The following INPP4B variants were observed in gnomAD, a reference collection of about 807,000 sequenced individuals.
INPP4B encodes the protein inositol polyphosphate 4-phosphatase type II.
A neutral mutation model predicts 122.5 loss-of-function variants in INPP4B; 55 were observed. The ratio of observed to expected loss-of-function variants is 0.45; its 90% confidence interval spans 0.36 to 0.56. The LOEUF (loss-of-function observed/expected upper bound fraction) is 0.56, where lower values mean the gene tolerates loss of function less well. Ranked by LOEUF, INPP4B falls within the 20% of genes least tolerant of loss-of-function variation. INPP4B has a pLI of 0.00. For synonymous variants in INPP4B, 403 were observed against 388.7 expected (o/e 1.04, Z -0.43); for missense variants, 1,000 against 1,097.7 (o/e 0.91, Z 1.26).
At chr4:142,217,749 A>G (rs1847898172) in intron 12 of INPP4B, among the ~76,000 whole-genome samples, 1 of 152,198 alleles carries the variant, frequency 6.6e-6, no homozygotes, top group Non-Finnish European at 1.5e-5. Flanking sequence ...TTGAATCGGT[A>G]GCCTCAATAA....
chr4:142,821,414 A>T (rs11100761), intron 1 of INPP4B, among the ~76,000 whole-genome samples: 11 of 151,744 alleles, frequency 7.2e-5, no homozygotes, highest in Admixed American at 4.6e-4. Flanking sequence ...TGGAGGACAA[A>T]GTTCTTTCTT....
chr4:142,305,793 A>G, intron 8 of INPP4B: 1 of 1,247,768 alleles, frequency 8.0e-7, no homozygotes, highest in Non-Finnish European at 1.0e-6. Context: ...AAAATACAGC[A>G]CCCAGAGTTG....
chr4:142,261,137 C>A (rs1015530323), intron 10 of INPP4B, among the ~76,000 whole-genome samples: 1 of 152,124 alleles, frequency 6.6e-6, no homozygotes, highest in Non-Finnish European at 1.5e-5. Context: ...ACAGTACTGT[C>A]AATTTCTCAA....
At chr4:142,350,932 G>A (rs1021648018) in intron 7 of INPP4B, among the ~76,000 whole-genome samples, 16 of 152,028 alleles carry the variant, frequency 1.1e-4, no homozygotes, top group Middle Eastern at 3.4e-3. Flanking sequence ...TTCTAACAGG[G>A]AGCCCAGATG....
At chr4:142,334,604 G>A (rs1252194960) in intron 7 of INPP4B, among the ~76,000 whole-genome samples, 1 of 152,066 alleles carries the variant, frequency 6.6e-6, no homozygotes, top group African/African-American at 2.4e-5. Context: ...CCACACCCTT[G>A]CCAACACTTG....
intron 1 of INPP4B, among the ~76,000 whole-genome samples, chr4:142,829,302 T>C (rs1781816685): frequency 6.6e-6 from 1 of 152,026 alleles, no homozygotes; most frequent in African/African-American, 2.4e-5. Flanking sequence ...TAATGACCCC[T>C]GACTTCTGAC....
chr4:142,064,817 AT>A (rs1762695792), intron 25 of INPP4B, among the ~76,000 whole-genome samples: 1 of 152,182 alleles, frequency 6.6e-6, no homozygotes, highest in Non-Finnish European at 1.5e-5. Context: ...GATGACAACT[AT>A]TGTATTTCTA....
intron 2 of INPP4B, among the ~76,000 whole-genome samples, chr4:142,463,154 C>G (rs968103765): frequency 5.9e-5 from 9 of 152,248 alleles, no homozygotes; most frequent in African/African-American, 2.2e-4. Flanking sequence ...GAGAAAACCT[C>G]TGAACTCCTG....
chr4:142,539,991 T>C (rs1828746479), intron 2 of INPP4B, among the ~76,000 whole-genome samples: 1 of 152,120 alleles, frequency 6.6e-6, no homozygotes, highest in African/African-American at 2.4e-5. Context: ...ACATTTCAAC[T>C]TGAAGTTCCT....
chr4:142,422,506 A>G (rs765791954), intron 5 of INPP4B, among the ~76,000 whole-genome samples: 6 of 152,018 alleles, frequency 3.9e-5, no homozygotes, highest in Non-Finnish European at 7.4e-5. Context: ...GATGTGTTAC[A>G]CTATAAGAAG....
chr4:142,683,591 T>C (rs115195182), intron 2 of INPP4B, among the ~76,000 whole-genome samples: 1 of 151,702 alleles, frequency 6.6e-6, no homozygotes, highest in African/African-American at 2.4e-5. Context: ...AAACCTATTA[T>C]GTATCTTGCA....
chr4:142,269,081 GGGACAA>G (rs1369969506), intron 10 of INPP4B, among the ~76,000 whole-genome samples: 4 of 152,102 alleles, frequency 2.6e-5, no homozygotes, highest in Non-Finnish European at 4.4e-5. Context: ...CCACAGGGAG[GGGACAA>G]GGACAAGACT....
At chr4:142,046,712 G>A (rs1278218945) in intron 25 of INPP4B, among the ~76,000 whole-genome samples, 5 of 152,044 alleles carry the variant, frequency 3.3e-5, no homozygotes, top group African/African-American at 4.8e-5. Context: ...GGAGGGACAT[G>A]ACTATTTTTG....
intron 12 of INPP4B, among the ~76,000 whole-genome samples, chr4:142,217,787 G>A (rs562187860): frequency 1.3e-5 from 2 of 152,158 alleles, no homozygotes; most frequent in South Asian, 4.2e-4. Context: ...AATTTGGGTC[G>A]GCCTAATTCA....
At chr4:142,173,914 C>A in intron 15 of INPP4B, 105 bp from the exon 16 acceptor site, 1 of 920,150 alleles carries the variant, frequency 1.1e-6, no homozygotes. Context: ...ATCACTCTTT[C>A]CTATTGATAA....
intron 25 of INPP4B, among the ~76,000 whole-genome samples, chr4:142,055,949 T>C (rs1337368015): frequency 6.6e-6 from 1 of 151,908 alleles, no homozygotes; most frequent in Non-Finnish European, 1.5e-5. Flanking sequence ...AGCCCTGAGC[T>C]TGTTTTCCTG....
At chr4:142,629,998 A>T (rs1204709673) in intron 2 of INPP4B, among the ~76,000 whole-genome samples, 1 of 152,116 alleles carries the variant, frequency 6.6e-6, no homozygotes, top group East Asian at 1.9e-4. Flanking sequence ...CATTGTCTAG[A>T]CATTTGCTAG....
At chr4:142,330,142 T>C (rs984054818) in intron 7 of INPP4B, among the ~76,000 whole-genome samples, 7 of 152,208 alleles carry the variant, frequency 4.6e-5, no homozygotes, top group African/African-American at 1.2e-4. Flanking sequence ...TTGTTACTTA[T>C]CTGCATTTGA....
chr4:142,116,931 G>C lies in INPP4B; in HGVS notation c.2136-4249C>G, dbSNP rs1012625940. 4.6e-5 allele frequency among the ~76,000 whole-genome samples: 7 copies of C among 151,836 alleles called. No individual in the cohort carries two copies. The South Asian group carries it at 1.5e-3, about 32-fold the overall frequency. On this transcript the variant is annotated intron_variant, in intron 21 of 25. Coordinates refer to ENST00000262992, the MANE Select transcript of INPP4B (RefSeq NM_001101669.3). ...GACCGGTAGCGAAACTAATAAAGAA[G>C]AAAAGAGAAAATAAACAAATAGATG...
Sources: gnomAD v4.1 joint callset for allele counts (sites outside exome capture counted in the v4.1 genomes callset) on GRCh38, gnomAD v4.1.1 for gene constraint, MANE v1.5 for transcripts, NCBI Gene and HGNC (gene_info 2026-07-23, HGNC 2026-07-21) for gene names.